PMS1: variants seen among roughly 807,000 people sequenced by gnomAD.
PMS1 encodes the protein PMS1 protein homolog 1.
A neutral mutation model predicts 93.1 loss-of-function variants in PMS1; 79 were observed. The observed-to-expected ratio is 0.85, with a 90% CI of 0.71 to 1.02. The LOEUF (loss-of-function observed/expected upper bound fraction) is 1.02, where lower values mean the gene tolerates loss of function less well. PMS1 is among the 50% of genes least tolerant of loss of function. PMS1 has a pLI of 0.00. For missense variants in PMS1, 1,064 were observed against 1,085.3 expected (o/e 0.98, Z 0.28); for synonymous variants, 335 against 363.4 (o/e 0.92, Z 0.89).
intron 3 of PMS1, among the ~76,000 whole-genome samples, chr2:189,796,353 C>G (rs1261376601): frequency 6.6e-6 from 1 of 151,816 alleles, no homozygotes; most frequent in African/African-American, 2.4e-5. Flanking sequence ...GAGTGAGATT[C>G]TGTCTCAAAA....
intron 10 of PMS1, among the ~76,000 whole-genome samples, chr2:189,864,879 C>G (rs1256447827): frequency 6.7e-6 from 1 of 150,184 alleles, no homozygotes; most frequent in Non-Finnish European, 1.5e-5. Context: ...ATTGCCATGT[C>G]TTTATTCCAT....
At chr2:189,835,531 T>C (rs559220363) in intron 5 of PMS1, among the ~76,000 whole-genome samples, 2 of 152,308 alleles carry the variant, frequency 1.3e-5, no homozygotes, top group East Asian at 1.9e-4. Context: ...TCTGTACTTT[T>C]TGGAGTCAGA....
Position 189,852,682 on chromosome 2 carries a change from T to G in PMS1, c.727T>G (p.Cys243Gly). The G allele has an allele frequency of 6.3e-7, 1 of 1,599,674 alleles. No individual in the cohort carries two copies. The highest frequency in any genetic ancestry group is 8.6e-7 in the Non-Finnish European group (1 of 1,167,056). Residue 243 changes from cysteine to glycine, a missense_variant, in exon 7 of 13, where the codon TGT becomes GGT. Physicochemically the swap from Cys to Gly is radical, Grantham distance 159. Transcript: ENST00000441310. ...TTATCTCAGTGGATTTCTTCCAAAGTGTGATGCAGACCACTCTTTCACTAG... is the reference window on the plus strand; with the variant it reads ...TTATCTCAGTGGATTTCTTCCAAAGGGTGATGCAGACCACTCTTTCACTAG... Reference protein sequence around the residue: ...QIYLSGFLPKCDADHSFTSLS... With the variant: ...QIYLSGFLPKGDADHSFTSLS...
chr2:189,801,791 T>C (rs924088476), intron 3 of PMS1, among the ~76,000 whole-genome samples: 2 of 152,214 alleles, frequency 1.3e-5, no homozygotes, highest in African/African-American at 4.8e-5. Context: ...CATCTTACAG[T>C]GTCTTGAATA....
chr2:189,804,491 G>T (rs5743008), intron 3 of PMS1, among the ~76,000 whole-genome samples: 2,637 of 152,122 alleles, frequency 0.017, 79 homozygotes, highest in African/African-American at 0.06. Context: ...TTGACATAGC[G>T]CCCCTAGTAA....
intron 3 of PMS1, among the ~76,000 whole-genome samples, chr2:189,796,996 A>G (rs968957545): frequency 6.6e-6 from 1 of 152,222 alleles, no homozygotes; most frequent in Non-Finnish European, 1.5e-5. Flanking sequence ...TTAAGCAGAT[A>G]TTTAACTATA....
At chr2:189,857,420 A>T (rs1490341805) in intron 9 of PMS1, 1 of 459,692 alleles carries the variant, frequency 2.2e-6, no homozygotes, top group East Asian at 7.0e-5. Context: ...AGCAAAAATG[A>T]TACAACACCC....
chr2:189,829,837 T>C (rs1191597199), intron 5 of PMS1, among the ~76,000 whole-genome samples: 1 of 152,164 alleles, frequency 6.6e-6, no homozygotes, highest in African/African-American at 2.4e-5. Context: ...ATCTAACGAC[T>C]TTTCACCATG....
Position 189,854,529 on chromosome 2 carries a change from TC to T in PMS1, c.1258del (p.His420IlefsTer22), listed in dbSNP as rs1351777223. The T allele has an allele frequency of 1.9e-6, 3 of 1,613,714 alleles. No homozygotes were observed. The highest frequency in any genetic ancestry group is 4.5e-5 in the East Asian group (2 of 44,822). On this transcript the variant is annotated frameshift_variant, in exon 9 of 13. Coordinates refer to ENST00000441310, the MANE Select transcript of PMS1 (RefSeq NM_000534.5). LOFTEE classifies it high-confidence loss of function. ...TAAGTATTGGTGACTTTGGTTATGGTCATTGTAGTAGTGAAATTTCTAACAT... is the reference window on the plus strand; with the variant it reads ...TAAGTATTGGTGACTTTGGTTATGGTATTGTAGTAGTGAAATTTCTAACAT... Reference protein sequence around the residue: ...QISIGDFGYGHCSSEISNIDK... With the variant: ...QISIGDFGYGXCSSEISNIDK...
In PMS1 at chr2:189,796,017, C is replaced by A. The variant is rs897097717; in HGVS notation, c.315+66C>A. On this transcript the variant is annotated intron_variant, in intron 3 of 12. Transcript: ENST00000441310. ...ACTGAACATTACAGTTAAAACTAAC[C>A]CAGTATTTGGTGAAGTATGGTTTTA... 3 of 1,088,482 alleles carry A rather than the reference C, an allele frequency of 2.8e-6. No homozygotes were observed. The African/African-American group carries it at 4.6e-5, about 17-fold the overall frequency. The allele number at this position is 1,088,482 out of a possible 1,614,324, so 67.4% of individuals were successfully genotyped here.
Position 189,799,853 on chromosome 2 carries a change from C to T in PMS1, c.315+3902C>T, listed in dbSNP as rs557543635. 5.3e-5 allele frequency among the ~76,000 whole-genome samples: 8 copies of T among 152,332 alleles called. No homozygotes were observed. The South Asian group carries it at 1.7e-3, about 32-fold the overall frequency. ...TTGAGGTGTTATAAACGTCCCAGTT[C>T]AGGACAACATTGCCCTATGCCCACT... On this transcript the variant is annotated intron_variant, in intron 3 of 12. Coordinates refer to ENST00000441310, the MANE Select transcript of PMS1 (RefSeq NM_000534.5).
In PMS1 at chr2:189,854,668, C is replaced by G; in HGVS notation, c.1396C>G (p.Gln466Glu). The G allele has an allele frequency of 6.2e-7, 1 of 1,613,786 alleles. No homozygotes were observed. The highest frequency in any genetic ancestry group is 1.3e-5 in the African/African-American group (1 of 75,024). The part of the protein sequence containing the change: ...TCFISSVKHT[Q>E]SENGNKDHID... ...TTTTATAAGTTCCGTTAAGCACACC[C>G]AGTCAGAAAATGGCAATAAAGACCA... is the stretch of plus-strand genomic sequence containing the variant. The change falls in exon 9 of 13, where the codon CAG (glutamine) becomes GAG (glutamate). Residue 466 changes from glutamine to glutamate, a missense_variant. By Grantham distance (29) the Gln-to-Glu change is conservative (BLOSUM62 2). Transcript: ENST00000441310.
chr2:189,854,414 C>A lies in PMS1; in HGVS notation c.1142C>A (p.Ser381Ter). 1 of 1,605,540 alleles carries A rather than the reference C, an allele frequency of 6.2e-7. No individual in the cohort carries two copies. Among genetic ancestry groups the A allele is most frequent in the South Asian group, 1.1e-5 (1 of 90,108 alleles). The change falls in exon 9 of 13, where the codon TCA becomes TAA. Residue 381 changes from serine (S) to a stop codon, truncating the protein, a stop_gained. Transcript: ENST00000441310. LOFTEE classifies it high-confidence loss of function. ...GTGGAATCATCTGGAAAGAATTATT[C>A]AAATGTTGATACTTCAGTCATTCCA... ...NKVESSGKNY[S>*]NVDTSVIPFQ...
At chr2:189,790,792 A>G (rs1367474349) in intron 1 of PMS1, among the ~76,000 whole-genome samples, 1 of 152,240 alleles carries the variant, frequency 6.6e-6, no homozygotes, top group African/African-American at 2.4e-5. Flanking sequence ...TAATTAGGAA[A>G]TTATATTGGG....
At chr2:189,866,641 A>AT (rs2056684793) in intron 10 of PMS1, among the ~76,000 whole-genome samples, 1 of 152,200 alleles carries the variant, frequency 6.6e-6, no homozygotes, top group African/African-American at 2.4e-5. Context: ...AACCTTAATG[A>AT]TGGCTAATAT....
chr2:189,877,474 G>T lies in PMS1; in HGVS notation c.*38G>T. On this transcript the variant is annotated 3_prime_UTR_variant, in exon 13 of 13. Transcript: ENST00000441310. Reference sequence around the variant, plus strand: ...AAGAAGATTAGTTACCATTGAAATTGGTTCTGTCATAAAACAGCATGAGTC... The same window carrying T: ...AAGAAGATTAGTTACCATTGAAATTTGTTCTGTCATAAAACAGCATGAGTC... 4 of 1,436,990 alleles carry T rather than the reference G, an allele frequency of 2.8e-6. No homozygotes were observed. The highest frequency in any genetic ancestry group is 3.9e-6 in the Non-Finnish European group (4 of 1,021,306). The allele number at this position is 1,436,990 out of a possible 1,614,324, so 89.0% of individuals were successfully genotyped here. A position where few individuals can be genotyped will look rare whatever the true frequency, so the allele number is the denominator to read the frequency against.
At position 189,857,214 on chromosome 2, in the gene PMS1, A is replaced by G. The variant is rs771332294; in HGVS notation, c.1856+2086A>G. On this transcript the variant is annotated intron_variant, in intron 9 of 12. Transcript: ENST00000441310. ...AAAGGGAATTTTTCTGTTGAGAAGAACATTTCTCATTTGTTGAGTCAAGAT... is the reference window on the plus strand; with the variant it reads ...AAAGGGAATTTTTCTGTTGAGAAGAGCATTTCTCATTTGTTGAGTCAAGAT... 6.0e-4 allele frequency: 103 copies of G among 171,348 alleles called. 1 individual carries two copies. The highest frequency in any genetic ancestry group is 1.2e-3 in the Non-Finnish European group (94 of 78,986). The allele number at this position is 171,348 out of a possible 1,614,324, so 10.6% of individuals were successfully genotyped here.
chr2:189,846,254 G>A (rs2054245595), intron 6 of PMS1, among the ~76,000 whole-genome samples: 1 of 151,944 alleles, frequency 6.6e-6, no homozygotes, highest in Non-Finnish European at 1.5e-5. Context: ...GCTCACACCT[G>A]TAATCCCAGC....
At position 189,851,893 on chromosome 2, in the gene PMS1, G is replaced by A. The variant is rs256573; in HGVS notation, c.700-762G>A. Among the ~76,000 whole-genome samples, 858 of 152,246 alleles carry A rather than the reference G, an allele frequency of 5.6e-3. 12 individuals carry two copies. The highest frequency in any genetic ancestry group is 0.02 in the African/African-American group (832 of 41,544). ...TCTTATATTCTTAACAGTATAGGAT[G>A]TTGTCTTTAGCTGTGTTCATTAACT... On this transcript the variant is annotated intron_variant, in intron 6 of 12. Coordinates refer to ENST00000441310, the MANE Select transcript of PMS1 (RefSeq NM_000534.5).
Sources: gnomAD v4.1 joint callset for allele counts (sites outside exome capture counted in the v4.1 genomes callset) on GRCh38, gnomAD v4.1.1 for gene constraint, MANE v1.5 for transcripts, NCBI Gene and HGNC (gene_info 2026-07-23, HGNC 2026-07-21) for gene names.